Variants in BEST3 observed in about 807,000 individuals in gnomAD.
The protein encoded by BEST3 is bestrophin-3.
Under a neutral mutation model 47.1 loss-of-function variants are expected in BEST3, and 50 were observed. The ratio of observed to expected loss-of-function variants is 1.06; its 90% CI spans 0.85 to 1.34. BEST3 has a LOEUF of 1.34. BEST3 is among the 40% of genes most tolerant of loss of function. The pLI is 0.00. For synonymous variants in BEST3, 282 were observed against 298.8 expected, an observed-to-expected ratio of 0.94 and a Z score of 0.58; for missense variants, 765 against 817.0, an observed-to-expected ratio of 0.94 and a Z score of 0.78.
chr12:69,693,926 T>A lies in BEST3; in HGVS notation c.248-19A>T, dbSNP rs1886032795. ...TAAAACCCTGTAGAATAACAGGAAA[T>A]TATAAAGCAGTTTCTTACAGCAGAC... is the stretch of plus-strand genomic sequence containing the variant. On this transcript the variant is annotated intron_variant, in intron 3 of 9. Transcript: ENST00000330891. The A allele has an allele frequency of 1.9e-6, 3 of 1,556,906 alleles. No homozygotes were observed. The highest frequency in any genetic ancestry group is 2.6e-6 in the Non-Finnish European group (3 of 1,140,528).
downstream of BEST3, among the ~76,000 whole-genome samples, chr12:69,653,211 G>A (rs1020517751): frequency 1.3e-5 from 2 of 152,200 alleles, no homozygotes; most frequent in African/African-American, 4.8e-5. Context: ...CTCCAAGCTG[G>A]AGCAATGCCC....
Position 69,672,917 on chromosome 12 carries a change from C to T in BEST3, c.916G>A (p.Glu306Lys). 1 of 1,613,560 alleles carries T rather than the reference C, an allele frequency of 6.2e-7. No individual in the cohort carries two copies. The highest frequency in any genetic ancestry group is 1.1e-5 in the South Asian group (1 of 90,918). ...TTTCTGTCAATGCACCAGTTAGTTT[C>T]AAAATCATCATCATCTTCTCCAAAA... ...NPFGEDDDDFETNWCIDRNLQ... is the reference protein window; with the variant it reads ...NPFGEDDDDFKTNWCIDRNLQ... Residue 306 changes from glutamate (E) to lysine (K), a missense_variant, in exon 8 of 10, where the codon GAA becomes AAA. By Grantham distance (56) the Glu-to-Lys change is moderately conservative (BLOSUM62 1). Coordinates refer to ENST00000330891, the MANE Select transcript of BEST3 (RefSeq NM_032735.3).
intron 7 of BEST3, among the ~76,000 whole-genome samples, chr12:69,675,912 C>A (rs997825670): frequency 6.6e-6 from 1 of 152,134 alleles, no homozygotes; most frequent in Non-Finnish European, 1.5e-5. Flanking sequence ...CTTTGGAAGG[C>A]CAAACATTTG....
chr12:69,645,056 A>G (rs1328221628), intron 9 of BEST3, among the ~76,000 whole-genome samples: 1 of 152,166 alleles, frequency 6.6e-6, no homozygotes, highest in African/African-American at 2.4e-5. Context: ...TGAAGAACCT[A>G]TGGGGGGCCT....
intron 4 of BEST3, among the ~76,000 whole-genome samples, chr12:69,681,164 A>G (rs1486622388): frequency 6.6e-6 from 1 of 151,402 alleles, no homozygotes; most frequent in Admixed American, 6.6e-5. Context: ...GATTTTTATT[A>G]GATATTAATT....
At chr12:69,660,419 G>A (rs934976235) in intron 9 of BEST3, 1 of 152,158 alleles carries the variant, frequency 6.6e-6, no homozygotes, top group South Asian at 2.1e-4. Flanking sequence ...ACCTTCAAAA[G>A]GGATGACTTA....
Position 69,694,089 on chromosome 12 carries a change from C to G in BEST3, c.248-182G>C, listed in dbSNP as rs1289829407. ...TTTGTGCCTGGCAATGCCTAAGCAC[C>G]CTGTAAGTGGGTATTAGATCTCAAA... On this transcript the variant is annotated intron_variant, in intron 3 of 9. Coordinates refer to ENST00000330891, the MANE Select transcript of BEST3 (RefSeq NM_032735.3). The G allele has an allele frequency of 1.0e-5, 6 of 594,646 alleles. No individual in the cohort carries two copies. In the Admixed American group the frequency reaches 1.8e-4, roughly 18 times the overall value. 36.8% of individuals were successfully genotyped at this position (594,646 alleles called of 1,614,324 possible).
intron 2 of BEST3, 103 bp from the exon 3 acceptor site, chr12:69,694,567 T>G (rs577122055): frequency 3.9e-5 from 20 of 515,082 alleles, no homozygotes; most frequent in African/African-American, 3.8e-4. Flanking sequence ...TAATCTTTTA[T>G]TTTTGAAGGA....
intron 9 of BEST3, among the ~76,000 whole-genome samples, chr12:69,658,803 C>G (rs1013283789): frequency 8.5e-5 from 13 of 152,182 alleles, no homozygotes; most frequent in Non-Finnish European, 1.9e-4. Flanking sequence ...ATACTTGAAT[C>G]TGTGTGAAAC....
rs181146329 is a variant in BEST3, at chr12:69,668,914, G to A, written c.1100+2514C>T. 8.2e-4 allele frequency among the ~76,000 whole-genome samples: 125 copies of A among 152,236 alleles called. 1 individual carries two copies. Among genetic ancestry groups the A allele is most frequent in the Middle Eastern group, 6.8e-3 (2 of 294 alleles). On this transcript the variant is annotated intron_variant, in intron 9 of 9. Transcript: ENST00000330891. ...AAGGTAAGCTGTAAGCCTGGAGCTT[G>A]CCATTTTGCCATTTTTGCCCTCAGG...
intron 4 of BEST3, among the ~76,000 whole-genome samples, chr12:69,692,634 G>C (rs1210724949): frequency 6.6e-6 from 1 of 152,096 alleles, no homozygotes; most frequent in African/African-American, 2.4e-5. Context: ...TGTAATTCAG[G>C]GCAGGTTATA....
At chr12:69,667,401 G>A (rs950136217) in intron 9 of BEST3, among the ~76,000 whole-genome samples, 4 of 152,072 alleles carry the variant, frequency 2.6e-5, no homozygotes, top group African/African-American at 4.8e-5. Context: ...GGATTCAAGC[G>A]ATTCTCCTGC....
chr12:69,656,113 A>G (rs528707685), intron 9 of BEST3, among the ~76,000 whole-genome samples: 1 of 152,314 alleles, frequency 6.6e-6, no homozygotes, highest in Admixed American at 6.5e-5. Context: ...ACGTACAAGC[A>G]CACATTCCGT....
Position 69,671,435 on chromosome 12 carries a change from G to A in BEST3, c.1093C>T (p.Gln365Ter). 1.2e-6 allele frequency: 2 copies of A among 1,613,424 alleles called. No homozygotes were observed. Among genetic ancestry groups the A allele is most frequent in the Non-Finnish European group, 1.7e-6 (2 of 1,179,670 alleles). The change falls in exon 9 of 10, where the codon CAG becomes TAG. Residue 365 changes from glutamine (Q) to a stop codon, truncating the protein, a stop_gained. Coordinates refer to ENST00000330891, the MANE Select transcript of BEST3 (RefSeq NM_032735.3). LOFTEE classifies it low-confidence loss of function (END_TRUNC). The stretch of plus-strand genomic sequence containing the variant: ...TTTTAAAAATGCACTTACCCCATCT[G>A]GACTGTTGACCCCAGAAATGAGGGT... ...CIPSFLGSTV[Q>*]MGLSGSDFPD...
At chr12:69,671,717 C>T in intron 8 of BEST3, 138 bp from the exon 9 acceptor site, 4 of 750,594 alleles carry the variant, frequency 5.3e-6, no homozygotes, top group African/African-American at 3.5e-5. Flanking sequence ...GTAGTTCATA[C>T]TTGCCATGAC....
chr12:69,653,170 T>C (rs1883266846), downstream of BEST3, among the ~76,000 whole-genome samples: 1 of 152,174 alleles, frequency 6.6e-6, no homozygotes, highest in South Asian at 2.1e-4. Context: ...CTTTTTTCTG[T>C]CATGAAAAAT....
chr12:69,676,517 A>C (rs1407954755), intron 7 of BEST3, among the ~76,000 whole-genome samples: 1 of 152,088 alleles, frequency 6.6e-6, no homozygotes. Flanking sequence ...CAGAACCAAG[A>C]TTCTACTACA....
At chr12:69,678,479 A>G (rs1885053302) in intron 5 of BEST3, among the ~76,000 whole-genome samples, 1 of 152,152 alleles carries the variant, frequency 6.6e-6, no homozygotes, top group African/African-American at 2.4e-5. Context: ...TCAATCAAGG[A>G]ATACTTTCTT....
rs555180159 is a variant in BEST3 at position 69,654,043 on chromosome 12, G to A, written c.*864C>T. ...TGTCAATGGCTGCAAGGGCACGGGG[G>A]GAACCATCACTCCTATATGCCTTCC... On this transcript the variant is annotated 3_prime_UTR_variant, in exon 10 of 10. Coordinates refer to ENST00000330891, the MANE Select transcript of BEST3 (RefSeq NM_032735.3). The A allele has an allele frequency of 1.0e-6, 1 of 985,424 alleles. No individual in the cohort carries two copies. Among genetic ancestry groups the A allele is most frequent in the Non-Finnish European group, 1.2e-6 (1 of 829,938 alleles). 61.0% of individuals were successfully genotyped at this position (985,424 alleles called of 1,614,324 possible).
Sources: allele counts gnomAD v4.1 joint callset (sites outside exome capture counted in the v4.1 genomes callset), GRCh38; gene constraint gnomAD v4.1.1; transcripts MANE v1.5; gene names NCBI Gene and HGNC (gene_info 2026-07-23, HGNC 2026-07-21).